The following COL4A3 variants were observed in gnomAD, a reference collection of about 807,000 sequenced individuals.
COL4A3 encodes the protein collagen alpha-3(IV) chain.
In COL4A3, 135 loss-of-function variants were observed where a neutral mutation model predicts 217.4. The ratio of observed to expected loss-of-function variants is 0.62; its 90% CI spans 0.54 to 0.72. The LOEUF (loss-of-function observed/expected upper bound fraction) is 0.72, where lower values mean the gene tolerates loss of function less well. Ranked by LOEUF, COL4A3 falls within the 30% of genes least tolerant of loss-of-function variation. The pLI is 0.00. For missense variants in COL4A3, 1,868 were observed against 2,119.9 expected (o/e 0.88, Z 2.33); for synonymous variants, 690 against 736.3 (o/e 0.94, Z 1.02).
intron 34 of COL4A3, among the ~76,000 whole-genome samples, chr2:227,287,382 GAT>G (rs1281632427): frequency 1.3e-5 from 2 of 151,648 alleles, no homozygotes; most frequent in Non-Finnish European, 2.9e-5. Flanking sequence ...AGTGAGCTGA[GAT>G]TGTGCCACTG....
intron 46 of COL4A3, among the ~76,000 whole-genome samples, 153 bp from the exon 47 acceptor site, chr2:227,304,832 C>T (rs1015257875): frequency 4.6e-5 from 7 of 152,206 alleles, no homozygotes; most frequent in African/African-American, 1.7e-4. Flanking sequence ...AGTTAGGTGA[C>T]TAATCATCCT....
rs771670523 is a variant in COL4A3, at chr2:227,266,438, G to C, written c.1337G>C (p.Gly446Ala). The C allele has an allele frequency of 2.5e-6, 4 of 1,614,032 alleles. No homozygotes were observed. Among genetic ancestry groups the C allele is most frequent in the Non-Finnish European group, 3.4e-6 (4 of 1,179,962 alleles). Reference protein sequence around the residue: ...GPPGDIVFRKGPPGDHGLPGY... With the variant: ...GPPGDIVFRKAPPGDHGLPGY... ...ATAGGTGACATCGTTTTTCGCAAGG[G>C]TCCACCTGGAGATCACGGACTGCCA... The change falls in exon 22 of 52, where the codon GGT becomes GCT. Residue 446 changes from glycine to alanine, a missense_variant. Coordinates refer to ENST00000396578, the MANE Select transcript of COL4A3 (RefSeq NM_000091.5).
In COL4A3 at chr2:227,279,877, TC is replaced by T; in HGVS notation, c.2213del (p.Pro738GlnfsTer9). The T allele has an allele frequency of 6.2e-7, 1 of 1,605,870 alleles. No homozygotes were observed. Among genetic ancestry groups the T allele is most frequent in the South Asian group, 1.1e-5 (1 of 89,150 alleles). ...CCTGGGTTACCTGGAAAGCCAGGCC[TC>T]CCAGGAGCCAAGGTATGCAAAAATT... is the stretch of plus-strand genomic sequence containing the variant. Reference protein sequence around the residue: ...GEPGLPGKPGLPGAKGEPAVA... With the variant: ...GEPGLPGKPGXPGAKGEPAVA... On this transcript the variant is annotated frameshift_variant, in exon 29 of 52. Coordinates refer to ENST00000396578, the MANE Select transcript of COL4A3 (RefSeq NM_000091.5). LOFTEE classifies it high-confidence loss of function.
chr2:227,291,575 AAAAAC>A (rs2072731010), intron 37 of COL4A3, among the ~76,000 whole-genome samples: 10 of 42,510 alleles, frequency 2.4e-4, no homozygotes, highest in East Asian at 1.7e-3. Flanking sequence ...AAAAAAAAAA[AAAAAC>A]AAAAAAAAAA....
chr2:227,246,474 A>T (rs1301596705), intron 6 of COL4A3, among the ~76,000 whole-genome samples: 1 of 152,234 alleles, frequency 6.6e-6, no homozygotes, highest in Non-Finnish European at 1.5e-5. Flanking sequence ...TTTGCCATTT[A>T]TGCACAATTT....
At chr2:227,201,602 G>A (rs899501311) in intron 1 of COL4A3, among the ~76,000 whole-genome samples, 3 of 152,212 alleles carry the variant, frequency 2.0e-5, no homozygotes, top group African/African-American at 7.2e-5. Context: ...GTGGGGTCGT[G>A]TGTTTAGAGA....
chr2:227,295,249 G>A lies in COL4A3; in HGVS notation c.3518-20G>A, dbSNP rs752249598. ...AATGAAATTGACCAATTATTAACATGCCAAGATTATCTCTTTCAGGTTTAT... is the reference window on the plus strand; with the variant it reads ...AATGAAATTGACCAATTATTAACATACCAAGATTATCTCTTTCAGGTTTAT... On this transcript the variant is annotated intron_variant, in intron 40 of 51. Transcript: ENST00000396578. 3 of 1,613,298 alleles carry A rather than the reference G, an allele frequency of 1.9e-6. No individual in the cohort carries two copies. Among genetic ancestry groups the A allele is most frequent in the Admixed American group, 1.7e-5 (1 of 60,020 alleles).
chr2:227,246,592 C>T, intron 6 of COL4A3, 93 bp from the exon 7 acceptor site: 1 of 991,504 alleles, frequency 1.0e-6, no homozygotes, highest in Non-Finnish European at 1.6e-6. Flanking sequence ...CTAGATTTAC[C>T]ATTGCAAGGT....
At chr2:227,238,510 G>T (rs906394524) in intron 2 of COL4A3, among the ~76,000 whole-genome samples, 2 of 152,120 alleles carry the variant, frequency 1.3e-5, no homozygotes, top group Non-Finnish European at 2.9e-5. Context: ...GAGGGAAGTA[G>T]CTCCATTGCA....
chr2:227,265,909 T>G (rs1421784494), intron 21 of COL4A3: 1 of 158,896 alleles, frequency 6.3e-6, no homozygotes, highest in Non-Finnish European at 1.4e-5. Flanking sequence ...CATGTCCTTC[T>G]TCACATGATG....
chr2:227,279,281 T>C (rs1040821389), intron 28 of COL4A3, among the ~76,000 whole-genome samples: 1 of 152,006 alleles, frequency 6.6e-6, no homozygotes, highest in Non-Finnish European at 1.5e-5. Flanking sequence ...GTTGTTGTTT[T>C]TGTATTTTTA....
intron 26 of COL4A3, 75 bp downstream of exon 26, chr2:227,273,192 C>T: frequency 1.3e-6 from 2 of 1,489,168 alleles, no homozygotes; most frequent in Non-Finnish European, 1.9e-6. Context: ...GAAGCTTCTC[C>T]AAGACTAAGG....
chr2:227,258,541 G>A (rs1312586443), intron 18 of COL4A3, among the ~76,000 whole-genome samples: 1 of 152,198 alleles, frequency 6.6e-6, no homozygotes, highest in Non-Finnish European at 1.5e-5. Context: ...TCAAGATGCT[G>A]ACCCTTGGTC....
At chr2:227,211,330 C>T (rs1262447344) in intron 1 of COL4A3, among the ~76,000 whole-genome samples, 1 of 152,152 alleles carries the variant, frequency 6.6e-6, no homozygotes. Context: ...ATTTTCACTG[C>T]TGTATAACAT....
Position 227,307,852 on chromosome 2 carries a change from G to T in COL4A3, c.4395G>T (p.Val1465=). 2 of 1,614,122 alleles carry T rather than the reference G, an allele frequency of 1.2e-6. No homozygotes were observed. The highest frequency in any genetic ancestry group is 1.7e-6 in the Non-Finnish European group (2 of 1,179,984). ...TAIPSCPEGT[V]PLYSGFSFLF... is the part of the protein sequence containing the mutation. ...TTCCTTCATGTCCAGAGGGGACAGTGCCACTCTACAGTGGGTTTTCTTTTC... is the reference window on the plus strand; with the variant it reads ...TTCCTTCATGTCCAGAGGGGACAGTTCCACTCTACAGTGGGTTTTCTTTTC... The change falls in exon 48 of 52, where the codon GTG becomes GTT. Residue 1465 remains valine (V), a synonymous_variant. Transcript: ENST00000396578.
At chr2:227,266,055 C>G (rs2070869705) in intron 21 of COL4A3, 1 of 252,804 alleles carries the variant, frequency 4.0e-6, no homozygotes, top group Non-Finnish European at 7.7e-6. Flanking sequence ...CCACCAGGTC[C>G]CTTTCATGAC....
intron 27 of COL4A3, 109 bp from the exon 28 acceptor site, chr2:227,277,340 A>C: frequency 4.7e-6 from 3 of 642,230 alleles, no homozygotes; most frequent in Admixed American, 5.8e-5. Context: ...AAAAAAAAAA[A>C]CAATGTGCAA....
At chr2:227,310,995 T>C (rs1396674023) in intron 51 of COL4A3, 47 bp downstream of exon 51, 5 of 1,604,406 alleles carry the variant, frequency 3.1e-6, no homozygotes, top group Non-Finnish European at 4.3e-6. Flanking sequence ...ATTGCAGAAC[T>C]ATTCAAAGGT....
intron 1 of COL4A3, among the ~76,000 whole-genome samples, chr2:227,185,556 A>G (rs1232860097): frequency 6.6e-6 from 1 of 152,234 alleles, no homozygotes; most frequent in Non-Finnish European, 1.5e-5. Context: ...TCATCTTCAT[A>G]TATAAAGAGA....
Sources: allele counts gnomAD v4.1 joint callset (sites outside exome capture counted in the v4.1 genomes callset), GRCh38; gene constraint gnomAD v4.1.1; transcripts MANE v1.5; gene names NCBI Gene and HGNC (gene_info 2026-07-23, HGNC 2026-07-21).